Variants in CEP290 observed in about 807,000 individuals in gnomAD.
The protein encoded by CEP290 is centrosomal protein 290, also known as centrosomal protein of 290 kDa.
Under a neutral mutation model 344.9 loss-of-function variants are expected in CEP290, and 317 were observed. The ratio of observed to expected loss-of-function variants is 0.92; its 90% CI spans 0.84 to 1.01. The LOEUF (loss-of-function observed/expected upper bound fraction) is 1.01, where lower values mean the gene tolerates loss of function less well. Among genes scored for constraint, CEP290 ranks in the 50% least tolerant of loss-of-function variants. The probability of loss-of-function intolerance (pLI) is 0.00; values close to 1 mark genes in which losing one functional copy is unlikely to be tolerated. For synonymous variants in CEP290, 932 were observed against 895.8 expected, an observed-to-expected ratio of 1.04 and a Z score of -0.72; for missense variants, 2,754 against 2,761.4, an observed-to-expected ratio of 1.00 and a Z score of 0.06.
Position 88,106,768 on chromosome 12 carries a change from T to A in CEP290, c.2724A>T (p.Arg908=). The change falls in exon 25 of 54, where the codon CGA becomes CGT. Residue 908 remains arginine, a synonymous_variant. Transcript: ENST00000552810. ...GCTTCTCATTTTCTTTTCTAAGTTG[T>A]CGCTCCAATTCTACTAAGGTTGTAT... ...RQYTTLVELE[R]QLRKENEKQK... is the part of the protein sequence containing the mutation. 6.2e-7 allele frequency: 1 copy of A among 1,610,620 alleles called. No individual in the cohort carries two copies. Among genetic ancestry groups the A allele is most frequent in the Non-Finnish European group, 8.5e-7 (1 of 1,178,062 alleles).
At chr12:88,063,773 T>G (rs2034671619) in intron 45 of CEP290, among the ~76,000 whole-genome samples, 1 of 152,086 alleles carries the variant, frequency 6.6e-6, no homozygotes, top group African/African-American at 2.4e-5. Context: ...ATTTTTTGAC[T>G]GCTGTTTCCC....
At chr12:88,105,763 C>T (rs1028966535) in intron 25 of CEP290, among the ~76,000 whole-genome samples, 1 of 151,820 alleles carries the variant, frequency 6.6e-6, no homozygotes, top group African/African-American at 2.4e-5. Flanking sequence ...GAGAGAGACT[C>T]GCTCTGTTAT....
intron 6 of CEP290, among the ~76,000 whole-genome samples, chr12:88,134,275 C>T (rs1337736584): frequency 6.6e-6 from 1 of 152,214 alleles, no homozygotes; most frequent in African/African-American, 2.4e-5. Flanking sequence ...TCCCTCTCCT[C>T]CAACAACCAA....
intron 25 of CEP290, chr12:88,104,299 T>G (rs920359908): frequency 3.3e-5 from 5 of 152,072 alleles, no homozygotes; most frequent in African/African-American, 1.2e-4. Flanking sequence ...TCTGTGTTCC[T>G]ATGATCCTGT....
At chr12:88,097,110 T>G in intron 26 of CEP290, 111 bp from the exon 27 acceptor site, 1 of 633,392 alleles carries the variant, frequency 1.6e-6, no homozygotes, top group Non-Finnish European at 2.7e-6. Flanking sequence ...ACAATCCAGT[T>G]TTTTACAAAA....
At chr12:88,100,268 TC>T (rs993784013) in intron 26 of CEP290, among the ~76,000 whole-genome samples, 1 of 151,160 alleles carries the variant, frequency 6.6e-6, no homozygotes, top group African/African-American at 2.4e-5. Context: ...AGACTCTGTT[TC>T]AAAAAAAAAA....
Position 88,131,165 on chromosome 12 carries a change from C to T in CEP290, c.495G>A (p.Glu165=). Residue 165 remains glutamate (E), a splice_region_variant and synonymous_variant, in exon 7 of 54, where the codon GAG becomes GAA. Coordinates refer to ENST00000552810, the MANE Select transcript of CEP290 (RefSeq NM_025114.4). ...AENENSKLRR[E]NKRLKKKNEQ... is the part of the protein sequence containing the mutation. ...CACCACAACTACTAAAATTTTTTAC[C>T]TCTCTTCTTAATTTGCTGTTTTCAT... The T allele has an allele frequency of 6.6e-7, 1 of 1,511,836 alleles. No homozygotes were observed. The highest frequency in any genetic ancestry group is 1.4e-5 in the South Asian group (1 of 73,038). 93.7% of individuals were successfully genotyped at this position (1,511,836 alleles called of 1,614,324 possible). A position where few individuals can be genotyped will look rare whatever the true frequency, so the allele number is the denominator to read the frequency against.
intron 5 of CEP290, among the ~76,000 whole-genome samples, chr12:88,137,919 G>T (rs1472931811): frequency 6.6e-6 from 1 of 152,100 alleles, no homozygotes; most frequent in Non-Finnish European, 1.5e-5. Flanking sequence ...ACCTACTCAT[G>T]GTAGAAACAA....
chr12:88,125,822 C>T (rs543481884), intron 12 of CEP290, among the ~76,000 whole-genome samples: 3 of 152,142 alleles, frequency 2.0e-5, no homozygotes, highest in Admixed American at 1.3e-4. Context: ...CATCTTCTTA[C>T]TTGTGGACTA....
At chr12:88,088,652 A>G (rs952522211) in intron 31 of CEP290, among the ~76,000 whole-genome samples, 1 of 152,158 alleles carries the variant, frequency 6.6e-6, no homozygotes, top group Non-Finnish European at 1.5e-5. Flanking sequence ...AGCATTTTTC[A>G]TATAGGCATA....
chr12:88,074,524 T>A (rs565990443), intron 41 of CEP290, among the ~76,000 whole-genome samples: 1 of 152,316 alleles, frequency 6.6e-6, no homozygotes, highest in Admixed American at 6.5e-5. Context: ...ACATATAGGC[T>A]TTTTTCCATG....
At chr12:88,104,632 T>C (rs1193988981) in intron 25 of CEP290, among the ~76,000 whole-genome samples, 7 of 151,776 alleles carry the variant, frequency 4.6e-5, no homozygotes, top group Non-Finnish European at 4.4e-5. Context: ...ATATATCAAA[T>C]GTATAACATA....
At chr12:88,107,799 G>C (rs989047575) in intron 23 of CEP290, among the ~76,000 whole-genome samples, 1 of 151,844 alleles carries the variant, frequency 6.6e-6, no homozygotes, top group African/African-American at 2.4e-5. Flanking sequence ...CTACTTGGGA[G>C]GCTGAGGCAA....
intron 5 of CEP290, among the ~76,000 whole-genome samples, chr12:88,138,364 T>C (rs1224079709): frequency 6.6e-6 from 1 of 152,210 alleles, no homozygotes; most frequent in Admixed American, 6.5e-5. Flanking sequence ...ATTCATTTAG[T>C]ATTTATTGAA....
intron 49 of CEP290, 130 bp downstream of exon 49, chr12:88,058,718 T>C: frequency 9.1e-6 from 8 of 883,102 alleles, no homozygotes; most frequent in South Asian, 1.6e-5. Flanking sequence ...AAAAGTATTA[T>C]GTTAAAACAA....
At chr12:88,059,568 C>T (rs952776285) in intron 48 of CEP290, among the ~76,000 whole-genome samples, 2 of 152,000 alleles carry the variant, frequency 1.3e-5, no homozygotes, top group Admixed American at 6.6e-5. Flanking sequence ...CCACCACGCC[C>T]GGCTAATTTT....
At chr12:88,117,639 G>T (rs1233240333) in intron 17 of CEP290, among the ~76,000 whole-genome samples, 2 of 152,116 alleles carry the variant, frequency 1.3e-5, no homozygotes, top group African/African-American at 2.4e-5. Context: ...GCACTGCAAT[G>T]GCTATTATAA....
intron 22 of CEP290, among the ~76,000 whole-genome samples, chr12:88,110,294 T>C (rs1263511435): frequency 1.3e-5 from 2 of 152,196 alleles, no homozygotes. Context: ...GACCATTATA[T>C]AGACAGCAAA....
In CEP290 at chr12:88,090,806, T is replaced by C. The variant is rs1477997673; in HGVS notation, c.3495A>G (p.Gln1165=). The stretch of plus-strand genomic sequence containing the variant: ...GTTGTTGTGCATTCAAAATTTCAAC[T>C]TGTCTTCTGGCAATATCAGAAATCT... ...LREISDIARR[Q]VEILNAQQQS... is the part of the protein sequence containing the mutation. The change falls in exon 30 of 54, where the codon CAA becomes CAG. Residue 1165 remains glutamine, a synonymous_variant. Coordinates refer to ENST00000552810, the MANE Select transcript of CEP290 (RefSeq NM_025114.4). 1.3e-6 allele frequency: 2 copies of C among 1,559,976 alleles called. No homozygotes were observed.
Sources: gnomAD v4.1 joint callset for allele counts (sites outside exome capture counted in the v4.1 genomes callset) on GRCh38, gnomAD v4.1.1 for gene constraint, MANE v1.5 for transcripts, NCBI Gene and HGNC (gene_info 2026-07-23, HGNC 2026-07-21) for gene names.